The following MYO10 variants were observed in gnomAD, a reference collection of about 807,000 sequenced individuals.
MYO10 encodes unconventional myosin-X.
MYO10 carries 133 observed loss-of-function variants against 257.3 expected under a neutral mutation model. The ratio of observed to expected loss-of-function variants is 0.52; its 90% CI spans 0.45 to 0.60. The LOEUF (loss-of-function observed/expected upper bound fraction) is 0.60. MYO10 is among the 20% of genes least tolerant of loss of function. The pLI, the probability that MYO10 is intolerant of heterozygous loss-of-function variation, is 0.00. For missense variants in MYO10, 2,399 were observed against 2,635.7 expected, an observed-to-expected ratio of 0.91 and a Z score of 1.97; for synonymous variants, 1,104 against 1,028.6, an observed-to-expected ratio of 1.07 and a Z score of -1.40.
At chr5:16,673,272 GT>G (rs1030117576) in intron 36 of MYO10, among the ~76,000 whole-genome samples, 7 of 151,866 alleles carry the variant, frequency 4.6e-5, no homozygotes, top group Non-Finnish European at 7.4e-5. Flanking sequence ...TGGCCAACTG[GT>G]TTTATAATAG....
rs903185620 is a variant in MYO10 at position 16,680,000 on chromosome 5, C to T, written c.4489G>A (p.Asp1497Asn). The T allele has an allele frequency of 1.1e-5, 18 of 1,613,852 alleles. No homozygotes were observed. Among genetic ancestry groups the T allele is most frequent in the Non-Finnish European group, 1.5e-5 (18 of 1,179,844 alleles). ...GGGGTGTCGATCGGGGCCTTGGTGT[C>T]AGTCACGTTTTGAATGGCACTGGAC... is the stretch of plus-strand genomic sequence containing the variant. ...RWSSAIQNVT[D>N]TKAPIDTPTQ... Residue 1497 changes from aspartate to asparagine, a missense_variant, in exon 33 of 41, where the codon GAC becomes AAC. Coordinates refer to ENST00000513610, the MANE Select transcript of MYO10 (RefSeq NM_012334.3).
chr5:16,763,508 A>G lies in MYO10; in HGVS notation c.1467T>C (p.Asn489=). Residue 489 remains asparagine (N), a synonymous_variant, in exon 14 of 41, where the codon AAT becomes AAC. Coordinates refer to ENST00000513610, the MANE Select transcript of MYO10 (RefSeq NM_012334.3). ...LVWEDIDWID[N]GECLDLIEKK... ...TCTCAATCAAGTCCAGGCATTCTCCATTGTCTATCCAGTCAATATCTTCCC... is the reference window on the plus strand; with the variant it reads ...TCTCAATCAAGTCCAGGCATTCTCCGTTGTCTATCCAGTCAATATCTTCCC... The G allele has an allele frequency of 6.2e-7, 1 of 1,612,716 alleles. No homozygotes were observed.
At chr5:16,720,211 G>A (rs1739097084) in intron 19 of MYO10, among the ~76,000 whole-genome samples, 1 of 152,100 alleles carries the variant, frequency 6.6e-6, no homozygotes, top group South Asian at 2.1e-4. Flanking sequence ...GAGATCCTCA[G>A]AGCCCTGACA....
At position 16,682,071 on chromosome 5, in the gene MYO10, CTG is replaced by C. The variant is rs1485908236; in HGVS notation, c.4047-60_4047-59del. ...CTTAGCCCTACCGTCAGCATCACCT[CTG>C]TGTGAACCGAGACTCAGTGCCTTCT... On this transcript the variant is annotated intron_variant, in intron 30 of 40. Coordinates refer to ENST00000513610, the MANE Select transcript of MYO10 (RefSeq NM_012334.3). 1.1e-5 allele frequency: 17 copies of C among 1,569,032 alleles called. No homozygotes were observed. The African/African-American group carries it at 2.1e-4, about 20-fold the overall frequency.
intron 17 of MYO10, among the ~76,000 whole-genome samples, chr5:16,758,606 C>T (rs533776907): frequency 2.0e-5 from 3 of 152,128 alleles, no homozygotes; most frequent in Non-Finnish European, 4.4e-5. Context: ...AAGCAGTTAA[C>T]GGATGGAAAG....
In MYO10 at chr5:16,918,500, C is replaced by CTTT. The variant is rs5866221; in HGVS notation, c.21+17285_21+17287dup. ...ATTTCACTGAAACTATTTTTCTTTT[C>CTTT]TTTTTTTTTTTTTTTTTTTGAGACA... On this transcript the variant is annotated intron_variant, in intron 1 of 40. Coordinates refer to ENST00000513610, the MANE Select transcript of MYO10 (RefSeq NM_012334.3). Among the ~76,000 whole-genome samples the CTTT allele has an allele frequency of 6.1e-3, 722 of 117,644 alleles. 23 individuals carry two copies. The highest frequency in any genetic ancestry group is 0.021 in the African/African-American group (638 of 30,774). 77.2% of individuals were successfully genotyped at this position (117,644 alleles called of 152,430 possible).
chr5:16,747,918 C>CAAAAAAAAAAAAAAAAAAAAAA (rs777257950), intron 19 of MYO10, among the ~76,000 whole-genome samples: 6 of 30,530 alleles, frequency 2.0e-4, no homozygotes, highest in Non-Finnish European at 4.8e-4. Context: ...AACTCCGTCT[C>CAAAAAAAAAAAAAAAAAAAAAA]AAAAAAAAAA....
intron 24 of MYO10, among the ~76,000 whole-genome samples, chr5:16,702,128 G>A (rs764140811): frequency 3.3e-5 from 5 of 152,184 alleles, no homozygotes; most frequent in Non-Finnish European, 5.9e-5. Flanking sequence ...AAAAGGCTGC[G>A]TGAGGACACA....
chr5:16,864,407 A>AAC (rs1744186716), intron 2 of MYO10, among the ~76,000 whole-genome samples: 1 of 152,158 alleles, frequency 6.6e-6, no homozygotes, highest in South Asian at 2.1e-4. Flanking sequence ...AAAAAAATCT[A>AAC]ACACACACAC....
chr5:16,682,094 C>T (rs761331580), intron 30 of MYO10, 81 bp from the exon 31 acceptor site: 48 of 1,506,690 alleles, frequency 3.2e-5, no homozygotes, highest in Non-Finnish European at 4.0e-5. Flanking sequence ...GACTCAGTGC[C>T]TTCTTCCTGG....
chr5:16,768,520 C>CT (rs1740946070), intron 10 of MYO10, among the ~76,000 whole-genome samples: 2 of 152,028 alleles, frequency 1.3e-5, no homozygotes, highest in Non-Finnish European at 2.9e-5. Flanking sequence ...CATTTTCCTT[C>CT]TTTTTAAAAA....
rs771936806 is a variant in MYO10 at position 16,701,827 on chromosome 5, C to T, written c.2568G>A (p.Thr856=). Residue 856 remains threonine, a synonymous_variant, in exon 25 of 41, where the codon ACG becomes ACA. Transcript: ENST00000513610. The surrounding 1 kb of genome is among the most constrained non-coding windows in gnomAD (Gnocchi z 8.1). ...AELRAQQEEE[T]RKQQELEALQ... is the part of the protein sequence containing the mutation. ...AGGCTTCGAGTTCTTGCTGCTTCCT[C>T]GTTTCTTCTTCCTGGACAGAAGCAG... is the stretch of plus-strand genomic sequence containing the variant. 6.9e-6 allele frequency: 11 copies of T among 1,602,170 alleles called. No homozygotes were observed. Among genetic ancestry groups the T allele is most frequent in the Admixed American group, 5.2e-5 (3 of 57,450 alleles).
chr5:16,935,724 C>A, intron 1 of MYO10, 64 bp downstream of exon 1: 1 of 1,599,886 alleles, frequency 6.3e-7, no homozygotes, highest in Non-Finnish European at 8.6e-7. Flanking sequence ...GGGCGCGCGG[C>A]GTGGTGGGCA....
At chr5:16,781,076 A>G (rs1741407352) in intron 6 of MYO10, among the ~76,000 whole-genome samples, 1 of 147,874 alleles carries the variant, frequency 6.8e-6, no homozygotes, top group Admixed American at 6.8e-5. Context: ...TTTATTTCAC[A>G]GAATTTTTTT....
chr5:16,711,308 C>T, intron 19 of MYO10, 63 bp from the exon 20 acceptor site: 1 of 1,511,968 alleles, frequency 6.6e-7, no homozygotes, highest in Non-Finnish European at 9.0e-7. Flanking sequence ...ATAAGGGAGG[C>T]TTAATAAAGC....
rs141859172 is a variant in MYO10, at chr5:16,879,594, A to T, written c.22-1887T>A. On this transcript the variant is annotated intron_variant, in intron 1 of 40. Transcript: ENST00000513610. Reference sequence around the variant, plus strand: ...GGAGCTTAAGACTTTGCCCAGTGCCACACAGCTAGTGACCTAGGCAGGTCT... The same window carrying T: ...GGAGCTTAAGACTTTGCCCAGTGCCTCACAGCTAGTGACCTAGGCAGGTCT... Among the ~76,000 whole-genome samples, 573 of 152,296 alleles carry T rather than the reference A, an allele frequency of 3.8e-3. 1 individual carries two copies. The highest frequency in any genetic ancestry group is 0.013 in the African/African-American group (553 of 41,564).
At chr5:16,744,564 C>T (rs771710179) in intron 19 of MYO10, among the ~76,000 whole-genome samples, 1 of 152,054 alleles carries the variant, frequency 6.6e-6, no homozygotes, top group Non-Finnish European at 1.5e-5. Context: ...GCAGGCGCGG[C>T]GCAGGGCTTC....
At position 16,763,493 on chromosome 5, in the gene MYO10, G is replaced by A. The variant is rs540939682; in HGVS notation, c.1482C>T (p.Asp494=). Residue 494 remains aspartate (D), a synonymous_variant, in exon 14 of 41, where the codon GAC becomes GAT. Transcript: ENST00000513610. ...IDWIDNGECL[D]LIEKKLGLLA... is the part of the protein sequence containing the mutation. ...AAAAATACATTACCTTCTCAATCAA[G>A]TCCAGGCATTCTCCATTGTCTATCC... The A allele has an allele frequency of 2.0e-5, 32 of 1,611,300 alleles. No individual in the cohort carries two copies. In the South Asian group the frequency reaches 3.4e-4, roughly 17 times the overall value.
At chr5:16,726,366 T>C (rs1265748342) in intron 19 of MYO10, among the ~76,000 whole-genome samples, 1 of 152,186 alleles carries the variant, frequency 6.6e-6, no homozygotes, top group Non-Finnish European at 1.5e-5. Context: ...GCAACATTAG[T>C]GGCAGAGGAA....
Sources: allele counts gnomAD v4.1 joint callset (sites outside exome capture counted in the v4.1 genomes callset), GRCh38; gene constraint gnomAD v4.1.1; non-coding constraint Gnocchi (gnomAD v3.1); transcripts MANE v1.5; gene names NCBI Gene and HGNC (gene_info 2026-07-23, HGNC 2026-07-21).